Variants in MEGF11 observed in about 807,000 individuals in gnomAD.
The protein encoded by MEGF11 is multiple epidermal growth factor-like domains protein 11.
In MEGF11, 126 loss-of-function variants were observed where a neutral mutation model predicts 146.6. That is an observed-to-expected ratio of 0.86 (90% confidence interval 0.74 to 1.00). The LOEUF (loss-of-function observed/expected upper bound fraction) is 1.00. MEGF11 is among the 50% of genes least tolerant of loss of function. The pLI is 0.00. For synonymous variants in MEGF11, 532 were observed against 583.4 expected (o/e 0.91, Z 1.27); for missense variants, 1,509 against 1,521.2 (o/e 0.99, Z 0.13).
At chr15:66,184,864 C>T (rs1349437772) in intron 1 of MEGF11, among the ~76,000 whole-genome samples, 1 of 152,066 alleles carries the variant, frequency 6.6e-6, no homozygotes, top group Admixed American at 6.5e-5. Context: ...TCAGGACTCT[C>T]CCCGCCTGCT....
At chr15:65,994,361 A>G (rs1452273670) in intron 5 of MEGF11, among the ~76,000 whole-genome samples, 2 of 152,162 alleles carry the variant, frequency 1.3e-5, no homozygotes, top group Admixed American at 6.5e-5. Flanking sequence ...CCACACCCCC[A>G]CTAAGAATAA....
intron 1 of MEGF11, among the ~76,000 whole-genome samples, chr15:66,146,146 T>A (rs1240055900): frequency 6.6e-6 from 1 of 152,208 alleles, no homozygotes; most frequent in Admixed American, 6.5e-5. Flanking sequence ...TTCTACAAAG[T>A]GAGGATGATA....
intron 1 of MEGF11, among the ~76,000 whole-genome samples, chr15:66,219,546 CA>C (rs1309618555): frequency 6.6e-6 from 1 of 152,140 alleles, no homozygotes; most frequent in African/African-American, 2.4e-5. Flanking sequence ...AGCTAAAGTA[CA>C]AACGCCACCA....
intron 1 of MEGF11, among the ~76,000 whole-genome samples, chr15:66,139,764 A>G (rs1441449306): frequency 6.6e-6 from 1 of 152,204 alleles, no homozygotes; most frequent in Non-Finnish European, 1.5e-5. Context: ...GCTAAATTAA[A>G]AAGCTTAACA....
At chr15:65,981,028 T>G in intron 6 of MEGF11, 130 bp from the exon 7 acceptor site, 1 of 1,194,300 alleles carries the variant, frequency 8.4e-7, no homozygotes, top group Non-Finnish European at 1.1e-6. Context: ...TCCGCTGAAC[T>G]GCAGTCCTGC....
chr15:65,930,787 A>G (rs1334837622), intron 11 of MEGF11, 36 bp downstream of exon 11: 5 of 1,561,482 alleles, frequency 3.2e-6, no homozygotes, highest in Non-Finnish European at 4.4e-6. Context: ...ATGTGCTCAT[A>G]TGTCAGGGAT....
intron 4 of MEGF11, among the ~76,000 whole-genome samples, chr15:66,100,362 C>G (rs1160589111): frequency 1.3e-5 from 2 of 152,178 alleles, no homozygotes; most frequent in Non-Finnish European, 1.5e-5. Context: ...AGAATTCTCT[C>G]TCTCCGGCAC....
intron 5 of MEGF11, among the ~76,000 whole-genome samples, chr15:66,037,755 G>A (rs1318107070): frequency 2.0e-5 from 3 of 152,222 alleles, no homozygotes; most frequent in Non-Finnish European, 2.9e-5. Flanking sequence ...CCCTAGGAAA[G>A]TCATCTTCCT....
intron 5 of MEGF11, among the ~76,000 whole-genome samples, chr15:66,060,655 C>T (rs1416970371): frequency 2.0e-5 from 3 of 152,236 alleles, no homozygotes; most frequent in Admixed American, 2.0e-4. Context: ...GCCATGGCTT[C>T]AGCCTTGGAT....
At chr15:65,970,835 C>G in intron 7 of MEGF11, 146 bp from the exon 8 acceptor site, 1 of 887,566 alleles carries the variant, frequency 1.1e-6, no homozygotes, top group Non-Finnish European at 1.7e-6. Flanking sequence ...CAAAGCCCTC[C>G]TCTTAGAGAT....
chr15:66,042,390 A>C (rs887564106), intron 5 of MEGF11, among the ~76,000 whole-genome samples: 2 of 152,108 alleles, frequency 1.3e-5, no homozygotes, highest in Non-Finnish European at 2.9e-5. Flanking sequence ...GATTACAGGC[A>C]TGAGCCACCA....
chr15:66,203,267 G>A (rs1166334135), intron 1 of MEGF11, among the ~76,000 whole-genome samples: 2 of 152,214 alleles, frequency 1.3e-5, no homozygotes, highest in African/African-American at 4.8e-5. Flanking sequence ...CCGAGGGCCC[G>A]CCTCACATGC....
intron 5 of MEGF11, among the ~76,000 whole-genome samples, chr15:66,080,678 A>G (rs2085811469): frequency 6.6e-6 from 1 of 152,204 alleles, no homozygotes; most frequent in African/African-American, 2.4e-5. Flanking sequence ...CTGGCTATTG[A>G]ATTCCTTTTT....
At chr15:66,138,176 C>G (rs2088978437) in intron 1 of MEGF11, among the ~76,000 whole-genome samples, 1 of 152,206 alleles carries the variant, frequency 6.6e-6, no homozygotes, top group Admixed American at 6.5e-5. Context: ...TTCTCCCCCT[C>G]TGCTCCTTAG....
At chr15:66,099,330 G>T (rs939803615) in intron 4 of MEGF11, among the ~76,000 whole-genome samples, 2 of 150,846 alleles carry the variant, frequency 1.3e-5, no homozygotes, top group Non-Finnish European at 1.5e-5. Context: ...TTACAGGCAC[G>T]CGCCACCAAG....
intron 22 of MEGF11, 101 bp downstream of exon 22, chr15:65,909,639 C>A: frequency 8.3e-7 from 1 of 1,202,948 alleles, no homozygotes; most frequent in Non-Finnish European, 1.2e-6. Flanking sequence ...AAACCATGTT[C>A]AGAACTCATA....
intron 1 of MEGF11, among the ~76,000 whole-genome samples, chr15:66,227,239 C>T (rs535483535): frequency 3.3e-5 from 5 of 152,258 alleles, no homozygotes; most frequent in African/African-American, 1.2e-4. Flanking sequence ...GTGCTGCTTA[C>T]TGACGGGATC....
intron 5 of MEGF11, among the ~76,000 whole-genome samples, chr15:66,018,424 C>T (rs974761969): frequency 1.3e-5 from 2 of 152,232 alleles, no homozygotes; most frequent in Non-Finnish European, 2.9e-5. Flanking sequence ...AGTGGGGCTA[C>T]AGGCAGCACA....
chr15:65,918,467 A>T (rs931662118), intron 15 of MEGF11, among the ~76,000 whole-genome samples: 1 of 152,324 alleles, frequency 6.6e-6, no homozygotes, highest in South Asian at 2.1e-4. Context: ...TCTGCTTTCT[A>T]TTACCACTTT....
Sources: gnomAD v4.1 joint callset for allele counts (sites outside exome capture counted in the v4.1 genomes callset) on GRCh38, gnomAD v4.1.1 for gene constraint, MANE v1.5 for transcripts, NCBI Gene and HGNC (gene_info 2026-07-23, HGNC 2026-07-21) for gene names.